Variants in TOMM34 observed in about 807,000 individuals in gnomAD.
The protein encoded by TOMM34 is translocase of outer mitochondrial membrane 34, also known as mitochondrial import receptor subunit TOM34.
Under a neutral mutation model 37.4 loss-of-function variants are expected in TOMM34, and 24 were observed. The observed-to-expected ratio is 0.64, with a 90% CI of 0.46 to 0.90. The LOEUF (loss-of-function observed/expected upper bound fraction) is 0.90. Ranked by LOEUF, TOMM34 falls within the 40% of genes least tolerant of loss-of-function variation. TOMM34 has a pLI of 0.00. For missense variants in TOMM34, 304 were observed against 375.6 expected, an observed-to-expected ratio of 0.81 and a Z score of 1.58; for synonymous variants, 154 against 148.9, an observed-to-expected ratio of 1.03 and a Z score of -0.25.
chr20:44,959,725 C>T (rs146910928), intron 1 of TOMM34, among the ~76,000 whole-genome samples: 1 of 152,160 alleles, frequency 6.6e-6, no homozygotes, highest in Non-Finnish European at 1.5e-5. Context: ...CAGATGTTGC[C>T]CTTGATCTCC....
chr20:44,955,319 C>T (rs990688489), intron 2 of TOMM34, 99 bp from the exon 3 acceptor site: 4 of 1,475,018 alleles, frequency 2.7e-6, no homozygotes, highest in Non-Finnish European at 3.7e-6. Flanking sequence ...ACTCAGCGTA[C>T]AGGAAGTAAT....
chr20:44,951,099 C>T (rs1021670748), intron 4 of TOMM34, among the ~76,000 whole-genome samples: 8 of 152,034 alleles, frequency 5.3e-5, no homozygotes, highest in African/African-American at 1.4e-4. Flanking sequence ...TCTCATCCGC[C>T]GGTTATGGTG....
intron 5 of TOMM34, among the ~76,000 whole-genome samples, chr20:44,945,123 C>G (rs923057028): frequency 6.6e-6 from 1 of 152,150 alleles, no homozygotes; most frequent in Admixed American, 6.5e-5. Context: ...CCTGGCCAAC[C>G]CAACACCTCT....
chr20:44,958,372 C>G (rs754586441), intron 1 of TOMM34: 39 of 471,576 alleles, frequency 8.3e-5, no homozygotes, highest in South Asian at 6.0e-4. Flanking sequence ...TAGTAAAATA[C>G]ATCCTTGCCC....
Position 44,943,100 on chromosome 20 carries a change from G to A in TOMM34, c.*9C>T, listed in dbSNP as rs1349931913. The stretch of plus-strand genomic sequence containing the variant: ...GTCAGGCAGGGGTTCCAGTTGCCCT[G>A]TTGGGTTTTTAGTGTAGGTTCTGCT... On this transcript the variant is annotated 3_prime_UTR_variant, in exon 7 of 7. Coordinates refer to ENST00000372813, the MANE Select transcript of TOMM34 (RefSeq NM_006809.5). 6.2e-7 allele frequency: 1 copy of A among 1,613,916 alleles called. No individual in the cohort carries two copies. The highest frequency in any genetic ancestry group is 2.2e-5 in the East Asian group (1 of 44,886).
intron 1 of TOMM34, 171 bp downstream of exon 1, chr20:44,960,036 A>T: frequency 1.0e-6 from 1 of 983,198 alleles, no homozygotes; most frequent in Non-Finnish European, 1.2e-6. Flanking sequence ...GGCAGTTAAC[A>T]AGCAGGTGGA....
At position 44,952,764 on chromosome 20, in the gene TOMM34, C is replaced by T. The variant is rs1601145076; in HGVS notation, c.381-762G>A. The T allele has an allele frequency of 5.7e-6, 4 of 701,924 alleles. No individual in the cohort carries two copies. In the East Asian group the frequency reaches 1.1e-4, roughly 19 times the overall value. 43.5% of individuals were successfully genotyped at this position (701,924 alleles called of 1,614,324 possible). On this transcript the variant is annotated intron_variant, in intron 3 of 6. Transcript: ENST00000372813. ...TTATGTGTTGAATGAGTGAATAATG[C>T]TAACTGTATACTTTTTCTGCTCCTA...
chr20:44,950,213 C>T (rs1375102825), intron 4 of TOMM34, among the ~76,000 whole-genome samples: 1 of 152,202 alleles, frequency 6.6e-6, no homozygotes, highest in Non-Finnish European at 1.5e-5. Context: ...TCCCCCCATG[C>T]ACTTTCATTC....
intron 4 of TOMM34, among the ~76,000 whole-genome samples, chr20:44,949,283 TGA>T (rs1011585840): frequency 6.6e-6 from 1 of 152,152 alleles, no homozygotes; most frequent in Non-Finnish European, 1.5e-5. Context: ...GGGTCAAATC[TGA>T]GAGTATGTAA....
intron 2 of TOMM34, 193 bp from the exon 3 acceptor site, chr20:44,955,413 G>T: frequency 1.4e-6 from 1 of 702,454 alleles, no homozygotes; most frequent in Non-Finnish European, 2.5e-6. Flanking sequence ...GGAGAAAGAA[G>T]GCAGAGAAAC....
At chr20:44,954,939 A>G in intron 3 of TOMM34, 129 bp downstream of exon 3, 3 of 1,181,692 alleles carry the variant, frequency 2.5e-6, no homozygotes, top group South Asian at 1.7e-5. Context: ...CTTCCCCTAC[A>G]TGCCCATCGG....
chr20:44,946,857 A>T (rs1235840120), intron 5 of TOMM34, among the ~76,000 whole-genome samples: 1 of 152,242 alleles, frequency 6.6e-6, no homozygotes, highest in Non-Finnish European at 1.5e-5. Context: ...AAGCTGTCCA[A>T]CAAGACATTT....
Position 44,960,282 on chromosome 20 carries a change from C to T in TOMM34, c.52G>A (p.Glu18Lys), listed in dbSNP as rs780112071. The T allele has an allele frequency of 5.7e-6, 9 of 1,582,342 alleles. No individual in the cohort carries two copies. Among genetic ancestry groups the T allele is most frequent in the Non-Finnish European group, 6.9e-6 (8 of 1,165,184 alleles). Residue 18 changes from glutamate (E) to lysine (K), a missense_variant, in exon 1 of 7, where the codon GAG (glutamate) becomes AAG (lysine). Transcript: ENST00000372813. ...SVEELRAAGN[E>K]SFRNGQYAEA... ...GCGTACTGGCCGTTGCGGAAACTCT[C>T]ATTGCCGGCGGCGCGGAGCTCCTCC...
Position 44,942,629 on chromosome 20 carries a change from C to G in TOMM34, c.*480G>C, listed in dbSNP as rs2066944836. 1 of 178,114 alleles carries G rather than the reference C, an allele frequency of 5.6e-6. No homozygotes were observed. Among genetic ancestry groups the G allele is most frequent in the South Asian group, 1.2e-4 (1 of 8,038 alleles). 11.0% of individuals were successfully genotyped at this position (178,114 alleles called of 1,614,324 possible). On this transcript the variant is annotated 3_prime_UTR_variant, in exon 7 of 7. Transcript: ENST00000372813. ...CTGTACACCTGGAGAGACTGCAGCCCTGGAGAACCAGCTCAACAGGCTGCT... is the reference window on the plus strand; with the variant it reads ...CTGTACACCTGGAGAGACTGCAGCCGTGGAGAACCAGCTCAACAGGCTGCT...
chr20:44,957,685 C>T (rs1268094509), intron 1 of TOMM34, among the ~76,000 whole-genome samples: 1 of 152,060 alleles, frequency 6.6e-6, no homozygotes, highest in Non-Finnish European at 1.5e-5. Context: ...CTCTGTTGCC[C>T]AGGCTGAAGT....
intron 5 of TOMM34, among the ~76,000 whole-genome samples, chr20:44,945,189 C>T (rs535982852): frequency 1.3e-5 from 2 of 152,270 alleles, no homozygotes; most frequent in South Asian, 4.1e-4. Flanking sequence ...TCTCTCATGT[C>T]GTTGTTCTCA....
intron 1 of TOMM34, among the ~76,000 whole-genome samples, chr20:44,959,467 T>C (rs1045775637): frequency 2.0e-5 from 3 of 152,156 alleles, no homozygotes; most frequent in Admixed American, 6.5e-5. Flanking sequence ...AGCTTCCAGT[T>C]TGGCATGAAA....
At chr20:44,955,280 A>G in intron 2 of TOMM34, 60 bp from the exon 3 acceptor site, 15 of 1,588,702 alleles carry the variant, frequency 9.4e-6, no homozygotes, top group Non-Finnish European at 1.3e-5. Flanking sequence ...GTTTCCCTAC[A>G]GTTTCTTCCA....
intron 4 of TOMM34, among the ~76,000 whole-genome samples, chr20:44,950,514 C>T (rs78968319): frequency 0.047 from 7,156 of 152,272 alleles, 259 homozygotes; most frequent in Non-Finnish European, 0.07. Context: ...GCTTAGCATA[C>T]ACATGGCTTG....
Sources: gnomAD v4.1 joint callset for allele counts (sites outside exome capture counted in the v4.1 genomes callset) on GRCh38, gnomAD v4.1.1 for gene constraint, MANE v1.5 for transcripts, NCBI Gene and HGNC (gene_info 2026-07-23, HGNC 2026-07-21) for gene names.